The following KCNH7 variants were observed in gnomAD, a reference collection of about 807,000 sequenced individuals.
KCNH7 encodes voltage-gated inwardly rectifying potassium channel KCNH7.
KCNH7 carries 49 observed loss-of-function variants against 120.8 expected under a neutral mutation model. The observed-to-expected ratio is 0.41, with a 90% CI of 0.32 to 0.51. The LOEUF (loss-of-function observed/expected upper bound fraction) is 0.51, where lower values mean the gene tolerates loss of function less well. KCNH7 is among the 20% of genes least tolerant of loss of function. The probability of loss-of-function intolerance (pLI) is 0.38; values close to 1 mark genes in which losing one functional copy is unlikely to be tolerated. For synonymous variants in KCNH7, 547 were observed against 516.1 expected (o/e 1.06, Z -0.81); for missense variants, 1,097 against 1,446.6 (o/e 0.76, Z 3.92).
intron 3 of KCNH7, among the ~76,000 whole-genome samples, chr2:162,535,131 A>G (rs1574073822): frequency 6.6e-6 from 1 of 151,738 alleles, no homozygotes; most frequent in African/African-American, 2.4e-5. Flanking sequence ...CATTATTTCA[A>G]TTAATGGGGA....
chr2:162,527,340 G>C (rs1263547607), intron 3 of KCNH7, among the ~76,000 whole-genome samples: 1 of 151,972 alleles, frequency 6.6e-6, no homozygotes, highest in African/African-American at 2.4e-5. Flanking sequence ...AATGCTTACT[G>C]AATGGGAAAC....
intron 2 of KCNH7, among the ~76,000 whole-genome samples, chr2:162,812,696 G>T (rs568757146): frequency 1.3e-5 from 2 of 152,114 alleles, no homozygotes; most frequent in Non-Finnish European, 2.9e-5. Context: ...TGAAGAAACA[G>T]TTCTACAGGT....
At chr2:162,723,210 T>A (rs779302262) in intron 2 of KCNH7, among the ~76,000 whole-genome samples, 2 of 152,068 alleles carry the variant, frequency 1.3e-5, no homozygotes, top group African/African-American at 4.8e-5. Context: ...AGTCTCTATA[T>A]TGTTACATGC....
intron 2 of KCNH7, among the ~76,000 whole-genome samples, chr2:162,812,120 G>A (rs923031720): frequency 2.0e-5 from 3 of 152,104 alleles, no homozygotes; most frequent in African/African-American, 7.2e-5. Flanking sequence ...ATTTTATCTA[G>A]TCATGTTTTC....
rs148809998 is a variant in KCNH7, at chr2:162,505,427, C to T, written c.914-770G>A. Among the ~76,000 whole-genome samples, 802 of 151,844 alleles carry T rather than the reference C, an allele frequency of 5.3e-3. 12 individuals carry two copies. The highest frequency in any genetic ancestry group is 0.018 in the African/African-American group (760 of 41,452). Reference sequence around the variant, plus strand: ...CAAACATAACTTACAATACAAGTGACCACAGCTAGGTAATAGGGCATGCCT... The same window carrying T: ...CAAACATAACTTACAATACAAGTGATCACAGCTAGGTAATAGGGCATGCCT... On this transcript the variant is annotated intron_variant, in intron 5 of 15. Coordinates refer to ENST00000332142, the MANE Select transcript of KCNH7 (RefSeq NM_033272.4).
chr2:162,697,457 G>T (rs1174972372), intron 2 of KCNH7, among the ~76,000 whole-genome samples: 1 of 152,084 alleles, frequency 6.6e-6, no homozygotes, highest in Non-Finnish European at 1.5e-5. Context: ...AATGGGCAAG[G>T]CTAAATAAAC....
At chr2:162,695,114 G>A (rs1559085880) in intron 2 of KCNH7, among the ~76,000 whole-genome samples, 1 of 152,082 alleles carries the variant, frequency 6.6e-6, no homozygotes, top group Non-Finnish European at 1.5e-5. Context: ...TAGTGGAGAA[G>A]ATTTTTACTA....
chr2:162,745,299 G>A (rs915525515), intron 2 of KCNH7, among the ~76,000 whole-genome samples: 1 of 152,018 alleles, frequency 6.6e-6, no homozygotes, highest in East Asian at 1.9e-4. Flanking sequence ...CTTAAAAGAG[G>A]CTCACTTACC....
At chr2:162,735,491 T>C (rs1186088585) in intron 2 of KCNH7, among the ~76,000 whole-genome samples, 2 of 152,208 alleles carry the variant, frequency 1.3e-5, no homozygotes, top group African/African-American at 4.8e-5. Flanking sequence ...CAACTACTCC[T>C]ATAGATAATG....
At chr2:162,710,288 C>A (rs1686880869) in intron 2 of KCNH7, among the ~76,000 whole-genome samples, 1 of 152,104 alleles carries the variant, frequency 6.6e-6, no homozygotes, top group Admixed American at 6.6e-5. Context: ...TGAAACAAAA[C>A]AATGCTAAGC....
intron 10 of KCNH7, among the ~76,000 whole-genome samples, 174 bp downstream of exon 10, chr2:162,400,015 T>C (rs919132630): frequency 6.6e-6 from 1 of 151,934 alleles, no homozygotes; most frequent in Non-Finnish European, 1.5e-5. Flanking sequence ...AGAAAACATA[T>C]TTTCTGAAAG....
In KCNH7 at chr2:162,470,813, G is replaced by A. The variant is rs191886563; in HGVS notation, c.1129-24370C>T. On this transcript the variant is annotated intron_variant, in intron 6 of 15. Coordinates refer to ENST00000332142, the MANE Select transcript of KCNH7 (RefSeq NM_033272.4). ...TTTTGTGGAATAGAGGAGGGGGAAAGGTGGGGAAAAGATTGAGAAATTGGG... is the reference window on the plus strand; with the variant it reads ...TTTTGTGGAATAGAGGAGGGGGAAAAGTGGGGAAAAGATTGAGAAATTGGG... Among the ~76,000 whole-genome samples the A allele has an allele frequency of 1.0e-3, 153 of 152,360 alleles. 2 individuals are homozygous for A. The highest frequency in any genetic ancestry group is 3.6e-3 in the African/African-American group (148 of 41,592).
chr2:162,611,001 C>T (rs986728474), intron 2 of KCNH7, among the ~76,000 whole-genome samples: 2 of 152,154 alleles, frequency 1.3e-5, no homozygotes, highest in Non-Finnish European at 2.9e-5. Context: ...TGAGAAAAAG[C>T]CACACTGTCC....
At chr2:162,611,348 G>A (rs1028054025) in intron 2 of KCNH7, among the ~76,000 whole-genome samples, 9 of 152,156 alleles carry the variant, frequency 5.9e-5, no homozygotes, top group Non-Finnish European at 8.8e-5. Flanking sequence ...ATCTTATTCC[G>A]TGACATAAGT....
At position 162,378,992 on chromosome 2, in the gene KCNH7, GT is replaced by G. The variant is rs1686313766; in HGVS notation, c.3131+860del. On this transcript the variant is annotated intron_variant, in intron 14 of 15. Coordinates refer to ENST00000332142, the MANE Select transcript of KCNH7 (RefSeq NM_033272.4). ...CATTGTGTAAGTCAGAATTGGGGTAGTGCAATCCTTTTACCATGCTTGTGCG... is the reference window on the plus strand; with the variant it reads ...CATTGTGTAAGTCAGAATTGGGGTAGGCAATCCTTTTACCATGCTTGTGCG... 5.3e-5 allele frequency among the ~76,000 whole-genome samples: 8 copies of G among 152,316 alleles called. No individual in the cohort carries two copies. In the South Asian group the frequency reaches 1.7e-3, roughly 32 times the overall value.
chr2:162,835,239 CA>C (rs1685618208), intron 2 of KCNH7, among the ~76,000 whole-genome samples: 1 of 152,008 alleles, frequency 6.6e-6, no homozygotes, highest in Non-Finnish European at 1.5e-5. Context: ...CAAAGTTATA[CA>C]AACCTGTTTT....
intron 2 of KCNH7, among the ~76,000 whole-genome samples, chr2:162,636,551 A>C (rs1259808706): frequency 6.6e-6 from 1 of 152,134 alleles, no homozygotes; most frequent in Non-Finnish European, 1.5e-5. Flanking sequence ...GATTCAAAGC[A>C]TAAGCATTTT....
At position 162,435,502 on chromosome 2, in the gene KCNH7, A is replaced by T; in HGVS notation, c.1650T>A (p.Ala550=). 6.2e-7 allele frequency: 1 copy of T among 1,613,810 alleles called. No homozygotes were observed. Among genetic ancestry groups the T allele is most frequent in the Non-Finnish European group, 8.5e-7 (1 of 1,179,844 alleles). ...KLDRYSEYGA[A]VLMLLMCIFA... ...AGATGCACATTAAGAGCATTAGAAC[A>T]GCAGCGCCATATTCTGAATATCGAT... The change falls in exon 8 of 16, where the codon GCT becomes GCA. Residue 550 remains alanine, a synonymous_variant. Coordinates refer to ENST00000332142, the MANE Select transcript of KCNH7 (RefSeq NM_033272.4).
chr2:162,749,107 G>A, intron 2 of KCNH7, among the ~76,000 whole-genome samples: 1 of 136,704 alleles, frequency 7.3e-6, no homozygotes, highest in Non-Finnish European at 1.6e-5. Context: ...AGAACAAAGT[G>A]GTTATATTTC....
Sources: allele counts gnomAD v4.1 joint callset (sites outside exome capture counted in the v4.1 genomes callset), GRCh38; gene constraint gnomAD v4.1.1; transcripts MANE v1.5; gene names NCBI Gene and HGNC (gene_info 2026-07-23, HGNC 2026-07-21).